The following PTPRJ variants were observed in gnomAD, a reference collection of about 807,000 sequenced individuals.
PTPRJ encodes the protein receptor-type tyrosine-protein phosphatase eta.
Under a neutral mutation model 141.3 loss-of-function variants are expected in PTPRJ, and 129 were observed. That is an observed-to-expected ratio of 0.91 (90% CI 0.79 to 1.06). The LOEUF (loss-of-function observed/expected upper bound fraction) is 1.06, where lower values mean the gene tolerates loss of function less well. Ranked by LOEUF, PTPRJ falls within the 50% of genes least tolerant of loss-of-function variation. The pLI is 0.00. For missense variants in PTPRJ, 1,601 were observed against 1,679.7 expected, an observed-to-expected ratio of 0.95 and a Z score of 0.82; for synonymous variants, 610 against 640.5, an observed-to-expected ratio of 0.95 and a Z score of 0.72.
rs1226225870 is a variant in PTPRJ, at chr11:48,037,106, T to C, written c.96+56098T>C. Among the ~76,000 whole-genome samples the C allele has an allele frequency of 2.0e-5, 3 of 152,214 alleles. No homozygotes were observed. The East Asian group carries it at 5.8e-4, about 29-fold the overall frequency. The stretch of plus-strand genomic sequence containing the variant: ...CGTAAAATATAGTTTGGATGCCATA[T>C]TGAGTGTAACTTAATCCACCCGATT... On this transcript the variant is annotated intron_variant, in intron 1 of 24. Transcript: ENST00000418331.
At chr11:48,130,321 A>G (rs1856941831) in intron 7 of PTPRJ, 138 bp from the exon 8 acceptor site, 1 of 843,400 alleles carries the variant, frequency 1.2e-6, no homozygotes, top group Non-Finnish European at 1.8e-6. Context: ...CTCATGTTGT[A>G]GGTGATGATA....
intron 7 of PTPRJ, 64 bp downstream of exon 7, chr11:48,128,107 C>T (rs750847585): frequency 3.4e-4 from 526 of 1,532,978 alleles, no homozygotes; most frequent in Non-Finnish European, 4.3e-4. Flanking sequence ...GGCCCAGACA[C>T]AGGATGCATG....
At chr11:48,077,028 C>T (rs944537040) in intron 1 of PTPRJ, among the ~76,000 whole-genome samples, 12 of 152,018 alleles carry the variant, frequency 7.9e-5, no homozygotes, top group South Asian at 2.1e-4. Flanking sequence ...CCACTATGCC[C>T]GGCTAATTTT....
intron 1 of PTPRJ, among the ~76,000 whole-genome samples, chr11:48,012,295 C>T (rs1397757367): frequency 6.6e-6 from 1 of 152,150 alleles, no homozygotes; most frequent in East Asian, 1.9e-4. Context: ...GCCACAGCCC[C>T]AAGGTCATGT....
intron 1 of PTPRJ, among the ~76,000 whole-genome samples, chr11:48,077,180 T>C (rs1262610387): frequency 6.8e-6 from 1 of 146,376 alleles, no homozygotes; most frequent in Non-Finnish European, 1.5e-5. Context: ...CTTTTTTCTT[T>C]AAAAAAAAAA....
At chr11:47,994,155 C>G (rs2134182682) in intron 1 of PTPRJ, among the ~76,000 whole-genome samples, 1 of 150,240 alleles carries the variant, frequency 6.7e-6, no homozygotes, top group Non-Finnish European at 1.5e-5. Flanking sequence ...GCCACTGTGC[C>G]TGGCCTTTTT....
Position 48,139,517 on chromosome 11 carries a change from A to G in PTPRJ, c.2184A>G (p.Glu728=), listed in dbSNP as rs760432974. The change falls in exon 11 of 25, where the codon GAA becomes GAG. Residue 728 remains glutamate, a synonymous_variant. Coordinates refer to ENST00000418331, the MANE Select transcript of PTPRJ (RefSeq NM_002843.4). The stretch of plus-strand genomic sequence containing the variant: ...CGTCCATGGCCTCCTTCGACTGCGA[A>G]GTGGTCCCCAAAGAGCCAGCCCTGG... ...DPASMASFDC[E]VVPKEPALVL... is the part of the protein sequence containing the mutation. 6.2e-7 allele frequency: 1 copy of G among 1,614,132 alleles called. No individual in the cohort carries two copies.
rs1349386448 is a variant in PTPRJ, at chr11:48,125,174, G to A, written c.1081G>A (p.Glu361Lys). 3 of 1,614,012 alleles carry A rather than the reference G, an allele frequency of 1.9e-6. No homozygotes were observed. The highest frequency in any genetic ancestry group is 2.7e-5 in the African/African-American group (2 of 74,908). The stretch of plus-strand genomic sequence containing the variant: ...CACAGAAGGACAGCCCCAGGCCATA[G>A]AGTTCAGGACAAGTAGGTTGAACTT... ...NGTEGQPQAI[E>K]FRTNAIQVFD... Residue 361 changes from glutamate (E) to lysine (K), a missense_variant, in exon 6 of 25, where the codon GAG (glutamate) becomes AAG (lysine). Transcript: ENST00000418331.
chr11:48,112,250 A>C (rs1856459325), intron 2 of PTPRJ, among the ~76,000 whole-genome samples: 1 of 152,210 alleles, frequency 6.6e-6, no homozygotes, highest in African/African-American at 2.4e-5. Context: ...ATCTAGCTGC[A>C]TGGGAGGCTG....
chr11:48,048,985 C>A (rs768874649), intron 1 of PTPRJ, among the ~76,000 whole-genome samples: 9 of 152,062 alleles, frequency 5.9e-5, no homozygotes, highest in Non-Finnish European at 7.4e-5. Context: ...CTGTGTGGCA[C>A]CCAGAGAGCA....
chr11:48,116,684 G>T (rs4547053), intron 3 of PTPRJ, among the ~76,000 whole-genome samples: 1 of 152,236 alleles, frequency 6.6e-6, no homozygotes, highest in Non-Finnish European at 1.5e-5. Flanking sequence ...CAAAACAAGT[G>T]TTAACAGATT....
At chr11:48,026,039 C>T (rs1853800391) in intron 1 of PTPRJ, among the ~76,000 whole-genome samples, 1 of 152,230 alleles carries the variant, frequency 6.6e-6, no homozygotes, top group African/African-American at 2.4e-5. Context: ...CCTCCCGACT[C>T]TGTAAATTTG....
At chr11:48,000,677 C>T (rs530348696) in intron 1 of PTPRJ, among the ~76,000 whole-genome samples, 59 of 152,158 alleles carry the variant, frequency 3.9e-4, no homozygotes, top group African/African-American at 1.4e-3. Flanking sequence ...ACCTACCCCG[C>T]CCCTCTCCCT....
chr11:48,059,396 T>C (rs113256166), intron 1 of PTPRJ, among the ~76,000 whole-genome samples: 3,310 of 152,264 alleles, frequency 0.022, 118 homozygotes, highest in African/African-American at 0.075. Context: ...GTGCTGGGAT[T>C]ACAGGCGTGA....
At chr11:48,117,660 A>G (rs1454050255) in intron 3 of PTPRJ, among the ~76,000 whole-genome samples, 1 of 151,880 alleles carries the variant, frequency 6.6e-6, no homozygotes, top group Non-Finnish European at 1.5e-5. Flanking sequence ...CTAATGTAGC[A>G]CGTTAAGGAA....
intron 2 of PTPRJ, among the ~76,000 whole-genome samples, chr11:48,110,552 A>C (rs1856413140): frequency 6.6e-6 from 1 of 152,166 alleles, no homozygotes; most frequent in Non-Finnish European, 1.5e-5. Context: ...TGAAAGAAAA[A>C]ATTTTAATTA....
chr11:48,136,359 T>A, intron 9 of PTPRJ, 63 bp downstream of exon 9: 1 of 1,558,368 alleles, frequency 6.4e-7, no homozygotes, highest in East Asian at 2.2e-5. Context: ...GAGGAGGCAC[T>A]GGTTAAATGA....
At chr11:48,033,178 T>TG (rs1854031387) in intron 1 of PTPRJ, among the ~76,000 whole-genome samples, 1 of 151,520 alleles carries the variant, frequency 6.6e-6, no homozygotes, top group Admixed American at 6.6e-5. Context: ...CCCCTCCTGG[T>TG]GGGGGGCCAT....
At position 48,119,215 on chromosome 11, in the gene PTPRJ, T is replaced by G. The variant is rs372375970; in HGVS notation, c.353-1788T>G. On this transcript the variant is annotated intron_variant, in intron 3 of 24. Coordinates refer to ENST00000418331, the MANE Select transcript of PTPRJ (RefSeq NM_002843.4). ...CCTCGTCACCATCATTGTTATTGAT[T>G]GTAAATGGAAGCACAGTGGTCATCT... is the stretch of plus-strand genomic sequence containing the variant. Among the ~76,000 whole-genome samples, 22 of 152,262 alleles carry G rather than the reference T, an allele frequency of 1.4e-4. No homozygotes were observed. The South Asian group carries it at 4.6e-3, about 32-fold the overall frequency.
Sources: gnomAD v4.1 joint callset for allele counts (sites outside exome capture counted in the v4.1 genomes callset) on GRCh38, gnomAD v4.1.1 for gene constraint, MANE v1.5 for transcripts, NCBI Gene and HGNC (gene_info 2026-07-23, HGNC 2026-07-21) for gene names.